Variants in HSD17B3 observed in about 807,000 individuals in gnomAD.
The protein encoded by HSD17B3 is 17-beta-hydroxysteroid dehydrogenase type 3.
HSD17B3 carries 29 observed loss-of-function variants against 41.1 expected under a neutral mutation model. That is an observed-to-expected ratio of 0.71 (90% CI 0.53 to 0.96). HSD17B3 has a LOEUF of 0.96. Ranked by LOEUF, HSD17B3 falls within the 40% of genes least tolerant of loss-of-function variation. The pLI is 0.00. For missense variants in HSD17B3, 323 were observed against 374.6 expected (o/e 0.86, Z 1.14); for synonymous variants, 126 against 145.6 (o/e 0.87, Z 0.97).
chr9:96,298,836 GTGTTCCCCATTA>G (rs895458860), intron 1 of HSD17B3, among the ~76,000 whole-genome samples: 18 of 152,310 alleles, frequency 1.2e-4, no homozygotes, highest in Admixed American at 4.6e-4. Context: ...AGGGCAGGCA[GTGTTCCCCATTA>G]TCTCTCTGCC....
At chr9:96,261,061 T>A (rs955916284) in intron 2 of HSD17B3, among the ~76,000 whole-genome samples, 2 of 152,200 alleles carry the variant, frequency 1.3e-5, no homozygotes, top group Non-Finnish European at 2.9e-5. Flanking sequence ...TGGCAACAAG[T>A]TAACACTGAA....
chr9:96,252,035 G>A (rs562956989), intron 4 of HSD17B3, among the ~76,000 whole-genome samples: 3 of 152,160 alleles, frequency 2.0e-5, no homozygotes, highest in African/African-American at 4.8e-5. Context: ...GCACGCGGCC[G>A]TAAAGTATCT....
At chr9:96,260,600 A>C (rs983723107) in intron 2 of HSD17B3, among the ~76,000 whole-genome samples, 1 of 151,972 alleles carries the variant, frequency 6.6e-6, no homozygotes, top group African/African-American at 2.4e-5. Context: ...TCTCTACTTT[A>C]AAAAAATACA....
intron 2 of HSD17B3, among the ~76,000 whole-genome samples, chr9:96,274,978 AAG>A (rs1249020518): frequency 6.6e-6 from 1 of 152,182 alleles, no homozygotes; most frequent in Non-Finnish European, 1.5e-5. Context: ...TTTAAGGACA[AAG>A]AGAGCATTTT....
At chr9:96,262,358 C>A (rs1825894399) in intron 2 of HSD17B3, among the ~76,000 whole-genome samples, 1 of 147,312 alleles carries the variant, frequency 6.8e-6, no homozygotes, top group African/African-American at 2.5e-5. Flanking sequence ...AGTTCTCTGC[C>A]TCAGCCTCCC....
At chr9:96,281,633 T>C (rs1439673189) in intron 2 of HSD17B3, among the ~76,000 whole-genome samples, 4 of 152,220 alleles carry the variant, frequency 2.6e-5, no homozygotes, top group Non-Finnish European at 5.9e-5. Context: ...TTTGGAATAA[T>C]CTGCCTTTCG....
intron 2 of HSD17B3, among the ~76,000 whole-genome samples, chr9:96,296,304 C>T (rs1827356984): frequency 6.6e-6 from 1 of 152,120 alleles, no homozygotes; most frequent in South Asian, 2.1e-4. Flanking sequence ...CTGCTCTCTG[C>T]CGTGTGAAGC....
chr9:96,240,790 C>T lies in HSD17B3; in HGVS notation c.790G>A (p.Glu264Lys). 6.2e-7 allele frequency: 1 copy of T among 1,614,262 alleles called. No homozygotes were observed. Among genetic ancestry groups the T allele is most frequent in the Non-Finnish European group, 8.5e-7 (1 of 1,180,046 alleles). The change falls in exon 10 of 11, where the codon GAA becomes AAA. Residue 264 changes from glutamate (E) to lysine (K), a missense_variant. By Grantham distance (56) the Glu-to-Lys change is moderately conservative. Transcript: ENST00000375263. ...ESLNYVTIGG[E>K]TCGCLAHEIL... is the part of the protein sequence containing the mutation. Reference sequence around the variant, plus strand: ...TCATGGGCAAGGCAGCCACAGGTTTCACCTCCAATTGTGACATAATTCAAT... The same window carrying T: ...TCATGGGCAAGGCAGCCACAGGTTTTACCTCCAATTGTGACATAATTCAAT...
chr9:96,236,514 CATAA>C (rs10524217), intron 10 of HSD17B3, among the ~76,000 whole-genome samples: 2,947 of 137,150 alleles, frequency 0.021, 74 homozygotes, highest in African/African-American at 0.065. Context: ...GAGAGTCTGT[CATAA>C]ATAAATAAAT....
intron 10 of HSD17B3, among the ~76,000 whole-genome samples, chr9:96,238,659 CA>C (rs997603135): frequency 2.7e-5 from 4 of 147,612 alleles, no homozygotes; most frequent in Admixed American, 6.7e-5. Flanking sequence ...GACTCCATCT[CA>C]AAAAAAAAAG....
At chr9:96,284,136 T>C (rs1826813112) in intron 2 of HSD17B3, among the ~76,000 whole-genome samples, 1 of 148,476 alleles carries the variant, frequency 6.7e-6, no homozygotes, top group South Asian at 2.1e-4. Context: ...GCAGGAGAAT[T>C]GCTTGAACCT....
At chr9:96,289,648 T>C (rs1355003673) in intron 2 of HSD17B3, among the ~76,000 whole-genome samples, 1 of 152,228 alleles carries the variant, frequency 6.6e-6, no homozygotes, top group Admixed American at 6.5e-5. Flanking sequence ...TGGGCTTGTT[T>C]CTCTCAAGAG....
At chr9:96,239,407 T>G (rs1156960950) in intron 10 of HSD17B3, 2 of 152,212 alleles carry the variant, frequency 1.3e-5, no homozygotes, top group Non-Finnish European at 2.9e-5. Context: ...CTGCAGCAAG[T>G]GGTGATCTGG....
chr9:96,271,384 A>C (rs1011215158), intron 2 of HSD17B3, among the ~76,000 whole-genome samples: 1 of 152,192 alleles, frequency 6.6e-6, no homozygotes, highest in African/African-American at 2.4e-5. Flanking sequence ...ATTTAATTCT[A>C]ATAATAAATT....
intron 4 of HSD17B3, 90 bp from the exon 5 acceptor site, chr9:96,251,575 G>A (rs181448089): frequency 8.5e-7 from 1 of 1,176,414 alleles, no homozygotes; most frequent in East Asian, 2.4e-5. Context: ...GACATGTAAG[G>A]TTGTTCATCG....
chr9:96,291,325 A>C (rs1827147853), intron 2 of HSD17B3, among the ~76,000 whole-genome samples: 1 of 151,952 alleles, frequency 6.6e-6, no homozygotes, highest in Non-Finnish European at 1.5e-5. Context: ...GTATCAGCAG[A>C]GGCCCAGGAA....
At chr9:96,271,444 G>C (rs962317728) in intron 2 of HSD17B3, among the ~76,000 whole-genome samples, 1 of 152,144 alleles carries the variant, frequency 6.6e-6, no homozygotes, top group Non-Finnish European at 1.5e-5. Context: ...CCTTCTTCCT[G>C]GGTACATGAC....
intron 2 of HSD17B3, among the ~76,000 whole-genome samples, chr9:96,280,060 T>C (rs992988728): frequency 2.6e-5 from 4 of 152,136 alleles, no homozygotes; most frequent in Non-Finnish European, 5.9e-5. Context: ...TGAGCCACTG[T>C]GCCCGGCCTG....
intron 2 of HSD17B3, among the ~76,000 whole-genome samples, chr9:96,267,239 C>G (rs934719401): frequency 4.6e-5 from 7 of 151,534 alleles, no homozygotes; most frequent in African/African-American, 1.7e-4. Flanking sequence ...TCACTGCAAC[C>G]TCCACCTCCC....
Sources: allele counts gnomAD v4.1 joint callset (sites outside exome capture counted in the v4.1 genomes callset), GRCh38; gene constraint gnomAD v4.1.1; transcripts MANE v1.5; gene names NCBI Gene and HGNC (gene_info 2026-07-23, HGNC 2026-07-21).